ANKMY1: variants seen among roughly 807,000 people sequenced by gnomAD.
ANKMY1 encodes ankyrin repeat and MYND domain-containing protein 1.
In ANKMY1, 98 loss-of-function variants were observed where a neutral mutation model predicts 102.0. The ratio of observed to expected loss-of-function variants is 0.96; its 90% CI spans 0.82 to 1.14. The LOEUF (loss-of-function observed/expected upper bound fraction) is 1.14. ANKMY1 is among the 50% of genes most tolerant of loss of function. The pLI, the probability that ANKMY1 is intolerant of heterozygous loss-of-function variation, is 0.00. For missense variants in ANKMY1, 1,330 were observed against 1,347.6 expected (o/e 0.99, Z 0.20); for synonymous variants, 582 against 559.9 (o/e 1.04, Z -0.56).
intron 9 of ANKMY1, 100 bp from the exon 10 acceptor site, chr2:240,513,042 T>A: frequency 6.8e-7 from 1 of 1,466,804 alleles, no homozygotes; most frequent in Non-Finnish European, 9.1e-7. Flanking sequence ...TGGCTGAGAC[T>A]CCAAGGGCAC....
chr2:240,526,681 T>A (rs2083495568), intron 5 of ANKMY1: 1 of 1,417,164 alleles, frequency 7.1e-7, no homozygotes, highest in African/African-American at 1.4e-5. Flanking sequence ...GGGCTATATG[T>A]CTGTCCCGAC....
chr2:240,537,200 G>A (rs1053618127), intron 4 of ANKMY1, among the ~76,000 whole-genome samples: 2 of 152,152 alleles, frequency 1.3e-5, no homozygotes, highest in African/African-American at 4.8e-5. Flanking sequence ...CTGCAGCCAG[G>A]CCCAGGGTAA....
intron 15 of ANKMY1, among the ~76,000 whole-genome samples, chr2:240,491,131 T>C (rs2076607324): frequency 1.3e-5 from 2 of 151,818 alleles, no homozygotes; most frequent in African/African-American, 4.8e-5. Flanking sequence ...TTAAAGTCCA[T>C]TTTATCTGAT....
At chr2:240,523,648 C>T (rs766415389) in intron 8 of ANKMY1, 30 of 643,652 alleles carry the variant, frequency 4.7e-5, no homozygotes, top group African/African-American at 7.3e-5. Context: ...GAAAACAGCC[C>T]GTCACCGTGG....
At chr2:240,504,586 A>AG (rs1357004882) in intron 13 of ANKMY1, among the ~76,000 whole-genome samples, 1 of 152,248 alleles carries the variant, frequency 6.6e-6, no homozygotes, top group East Asian at 1.9e-4. Flanking sequence ...AATATTAAAA[A>AG]AAAAGATTCA....
chr2:240,542,773 C>A (rs959996319), intron 4 of ANKMY1, among the ~76,000 whole-genome samples: 179 of 148,484 alleles, frequency 1.2e-3, no homozygotes, highest in African/African-American at 4.3e-3. Context: ...TTGAGTCTAC[C>A]AAGTTGGTTT....
rs775214519 is a variant in ANKMY1 at position 240,509,426 on chromosome 2, TAGA to T, written c.2313_2315del (p.Leu772del). On this transcript the variant is annotated inframe_deletion, in exon 12 of 18. Coordinates refer to ENST00000401804, the MANE Select transcript of ANKMY1 (RefSeq NM_001282771.3). The stretch of plus-strand genomic sequence containing the variant: ...GCAGGTTAGGATTTGCTCCGTGGGA[TAGA>T]AGGAGCCGGACTATGTCCCTGGCAC... The T allele has an allele frequency of 4.3e-6, 7 of 1,613,320 alleles. No individual in the cohort carries two copies. The East Asian group carries it at 8.9e-5, about 21-fold the overall frequency.
intron 15 of ANKMY1, among the ~76,000 whole-genome samples, chr2:240,498,973 G>A (rs1379510900): frequency 6.6e-6 from 1 of 152,202 alleles, no homozygotes; most frequent in Admixed American, 6.5e-5. Flanking sequence ...TGTGCAGCCT[G>A]CAGAACCACA....
chr2:240,484,331 A>G (rs11682645), intron 15 of ANKMY1, among the ~76,000 whole-genome samples: 20,079 of 152,262 alleles, frequency 0.13, 1,457 homozygotes, highest in Non-Finnish European at 0.16. Context: ...CCAAAACAGC[A>G]TGGTACTGGT....
chr2:240,528,638 G>T (rs898224061), intron 5 of ANKMY1, among the ~76,000 whole-genome samples: 6 of 152,034 alleles, frequency 3.9e-5, no homozygotes, highest in Non-Finnish European at 2.9e-5. Context: ...CAGGGCCCAG[G>T]GCCAGGACTC....
At chr2:240,552,779 T>A in intron 4 of ANKMY1, 135 bp downstream of exon 4, 4 of 1,381,718 alleles carry the variant, frequency 2.9e-6, no homozygotes, top group Non-Finnish European at 4.0e-6. Flanking sequence ...TTGGTACCAT[T>A]TTAATCATTA....
chr2:240,537,866 A>C (rs184262903), intron 4 of ANKMY1, among the ~76,000 whole-genome samples: 1 of 152,342 alleles, frequency 6.6e-6, no homozygotes, highest in Non-Finnish European at 1.5e-5. Context: ...GCCACTGTTC[A>C]AACCATGTTC....
chr2:240,525,567 A>G lies in ANKMY1; in HGVS notation c.1335+118T>C, dbSNP rs1176177740. On this transcript the variant is annotated intron_variant, in intron 7 of 17. Coordinates refer to ENST00000401804, the MANE Select transcript of ANKMY1 (RefSeq NM_001282771.3). ...GTCTCTCTTGCCCACTCCCTGCCTT[A>G]TAACTCACCCTGTACAAGCCTGGTC... 3.0e-6 allele frequency: 4 copies of G among 1,314,862 alleles called. No homozygotes were observed. The African/African-American group carries it at 4.4e-5, about 15-fold the overall frequency. 81.4% of individuals were successfully genotyped at this position (1,314,862 alleles called of 1,614,324 possible).
intron 9 of ANKMY1, among the ~76,000 whole-genome samples, chr2:240,513,917 C>T (rs185257507): frequency 2.0e-5 from 3 of 152,348 alleles, no homozygotes; most frequent in South Asian, 4.1e-4. Context: ...TTGGGGAGGC[C>T]GGTGCTGCAG....
intron 8 of ANKMY1, chr2:240,523,581 T>A: frequency 5.7e-6 from 2 of 351,126 alleles, no homozygotes; most frequent in Non-Finnish European, 5.2e-6. Flanking sequence ...CTGCTGAGGC[T>A]CCCACAGAGA....
intron 4 of ANKMY1, among the ~76,000 whole-genome samples, chr2:240,544,533 G>C (rs1466138020): frequency 6.6e-6 from 1 of 152,192 alleles, no homozygotes; most frequent in Non-Finnish European, 1.5e-5. Context: ...AACAGCTCTG[G>C]TCTACAGCTC....
At chr2:240,555,136 C>G in intron 2 of ANKMY1, 81 bp from the exon 3 acceptor site, 1 of 1,442,762 alleles carries the variant, frequency 6.9e-7, no homozygotes, top group Non-Finnish European at 9.6e-7. Flanking sequence ...CCCCCGAGCA[C>G]AACCCAGCAT....
rs1277580725 is a variant in ANKMY1, at chr2:240,520,493, G to T, written c.1873C>A (p.Arg625=). Residue 625 remains arginine, a synonymous_variant, in exon 9 of 18, where the codon CGG becomes AGG. Transcript: ENST00000401804. This position sits in a 1 kb window ranked among gnomAD's most constrained non-coding sequence, Gnocchi z 4.8. ...CAGCACAGGTTGGGGTCCGCGCCCCGGCGCAGCAGCAGCTTGATGGTCCGC... is the reference window on the plus strand; with the variant it reads ...CAGCACAGGTTGGGGTCCGCGCCCCTGCGCAGCAGCAGCTTGATGGTCCGC... ...RWRTIKLLLR[R]GADPNLCCVP... The T allele has an allele frequency of 1.2e-6, 2 of 1,613,248 alleles. No individual in the cohort carries two copies.
At chr2:240,476,532 C>T (rs1481785668), downstream of ANKMY1, among the ~76,000 whole-genome samples, 4 of 82,550 alleles carry the variant, frequency 4.8e-5, no homozygotes, top group Admixed American at 4.7e-4. Context: ...TTCACAGGGC[C>T]GGTGAAGAGG....
Sources: gnomAD v4.1 joint callset for allele counts (sites outside exome capture counted in the v4.1 genomes callset) on GRCh38, gnomAD v4.1.1 for gene constraint, Gnocchi (gnomAD v3.1) non-coding constraint, MANE v1.5 for transcripts, NCBI Gene and HGNC (gene_info 2026-07-23, HGNC 2026-07-21) for gene names.